The following PAWR variants were observed in gnomAD, a reference collection of about 807,000 sequenced individuals.
The protein encoded by PAWR is pro-apoptotic WT1 regulator.
PAWR carries 23 observed loss-of-function variants against 32.0 expected under a neutral mutation model. The ratio of observed to expected loss-of-function variants is 0.72; its 90% CI spans 0.52 to 1.02. The LOEUF is 1.02. PAWR is among the 50% of genes least tolerant of loss of function. The pLI is 0.00. For synonymous variants in PAWR, 226 were observed against 187.1 expected (o/e 1.21, Z -1.70); for missense variants, 457 against 437.7 (o/e 1.04, Z -0.39).
chr12:79,612,195 T>C (rs1043076805), intron 4 of PAWR, among the ~76,000 whole-genome samples: 2 of 152,140 alleles, frequency 1.3e-5, no homozygotes, highest in Non-Finnish European at 2.9e-5. Context: ...GGTTTCATTA[T>C]ACCTACATCA....
intron 2 of PAWR, among the ~76,000 whole-genome samples, chr12:79,636,922 C>A (rs1454635898): frequency 6.6e-6 from 1 of 151,956 alleles, no homozygotes; most frequent in East Asian, 1.9e-4. Flanking sequence ...CAAATTTTTG[C>A]AAAGTATAAA....
At chr12:79,616,056 CAA>C (rs140963642) in intron 3 of PAWR, among the ~76,000 whole-genome samples, 60 of 72,292 alleles carry the variant, frequency 8.3e-4, no homozygotes, top group Non-Finnish European at 7.4e-4. Flanking sequence ...GACCCTGTCT[CAA>C]AAAAAAAAAA....
intron 6 of PAWR, among the ~76,000 whole-genome samples, chr12:79,593,741 T>C (rs534564513): frequency 5.8e-4 from 84 of 145,518 alleles, no homozygotes; most frequent in African/African-American, 1.9e-3. Flanking sequence ...TTACTCTTGC[T>C]GCCCAGGCTG....
At chr12:79,663,070 C>G (rs1003295655) in intron 2 of PAWR, among the ~76,000 whole-genome samples, 1 of 152,166 alleles carries the variant, frequency 6.6e-6, no homozygotes, top group Non-Finnish European at 1.5e-5. Context: ...TAATTTTACA[C>G]AACAAGTAAC....
chr12:79,690,491 C>A, intron 1 of PAWR, 100 bp from the exon 2 acceptor site: 5 of 630,540 alleles, frequency 7.9e-6, no homozygotes, highest in Non-Finnish European at 1.2e-5. Context: ...TCCTCGAGCG[C>A]GCCCACCAGT....
intron 2 of PAWR, among the ~76,000 whole-genome samples, chr12:79,659,218 C>T (rs141539405): frequency 6.6e-6 from 1 of 151,594 alleles, no homozygotes; most frequent in Non-Finnish European, 1.5e-5. Context: ...CGCTTGATCC[C>T]GGGAGGTGGA....
At chr12:79,641,421 C>T (rs1025200692) in intron 2 of PAWR, among the ~76,000 whole-genome samples, 1 of 152,052 alleles carries the variant, frequency 6.6e-6, no homozygotes, top group Non-Finnish European at 1.5e-5. Context: ...ACATTCTGTC[C>T]GAAGAGCCTA....
chr12:79,675,224 A>C (rs1878104689), intron 2 of PAWR, among the ~76,000 whole-genome samples: 1 of 151,984 alleles, frequency 6.6e-6, no homozygotes, highest in African/African-American at 2.4e-5. Context: ...TAAAAATACA[A>C]AAAATTTTAG....
chr12:79,620,948 G>T, intron 3 of PAWR, 128 bp downstream of exon 3: 1 of 684,350 alleles, frequency 1.5e-6, no homozygotes. Flanking sequence ...ACCCACTTAT[G>T]GTAAGGAAGG....
At position 79,633,126 on chromosome 12, in the gene PAWR, A is replaced by AAAAC. The variant is rs555028026; in HGVS notation, c.517-11923_517-11920dup. ...GGCAAAAGAGAGAGACTCTGTCTCA[A>AAAAC]AAACAAACAAACAAACAAACAAAAA... On this transcript the variant is annotated intron_variant, in intron 2 of 6. Coordinates refer to ENST00000328827, the MANE Select transcript of PAWR (RefSeq NM_002583.4). Among the ~76,000 whole-genome samples the AAAAC allele has an allele frequency of 4.8e-3, 736 of 152,266 alleles. 5 individuals carry two copies. The highest frequency in any genetic ancestry group is 0.016 in the African/African-American group (683 of 41,524).
At chr12:79,675,325 G>C (rs1878110389) in intron 2 of PAWR, among the ~76,000 whole-genome samples, 1 of 152,136 alleles carries the variant, frequency 6.6e-6, no homozygotes, top group Non-Finnish European at 1.5e-5. Flanking sequence ...GTTGCAGTAA[G>C]CTAGGATCAC....
At chr12:79,620,314 T>G (rs560835456) in intron 3 of PAWR, among the ~76,000 whole-genome samples, 2 of 152,288 alleles carry the variant, frequency 1.3e-5, no homozygotes, top group South Asian at 4.1e-4. Context: ...AATTAAGTCC[T>G]AAAGCCATTA....
In PAWR at chr12:79,590,750, CCT is replaced by C. The variant is rs1873530668; in HGVS notation, c.*1855_*1856del. ...TCACAACCAAAAGCAGTTAACTATG[CCT>C]GGCATACCACCCTGTCATGTGGGCA... On this transcript the variant is annotated 3_prime_UTR_variant, in exon 7 of 7. Transcript: ENST00000328827. 6.6e-6 allele frequency: 1 copy of C among 152,144 alleles called. No individual in the cohort carries two copies. Among genetic ancestry groups the C allele is most frequent in the East Asian group, 1.9e-4 (1 of 5,186 alleles). The allele number at this position is 152,144 out of a possible 1,614,324, so 9.4% of individuals were successfully genotyped here. A position where few individuals can be genotyped will look rare whatever the true frequency, so the allele number is the denominator to read the frequency against.
At chr12:79,658,864 T>C (rs1373092251) in intron 2 of PAWR, among the ~76,000 whole-genome samples, 2 of 151,708 alleles carry the variant, frequency 1.3e-5, no homozygotes, top group Non-Finnish European at 1.5e-5. Context: ...TTTCACCACA[T>C]TGGCCAGGCT....
At chr12:79,671,249 C>A (rs940745047) in intron 2 of PAWR, among the ~76,000 whole-genome samples, 1 of 151,588 alleles carries the variant, frequency 6.6e-6, no homozygotes, top group Admixed American at 6.6e-5. Context: ...AAGTACTAGA[C>A]AACATAATTG....
chr12:79,628,265 C>G (rs1413847864), intron 2 of PAWR, among the ~76,000 whole-genome samples: 2 of 152,034 alleles, frequency 1.3e-5, no homozygotes, highest in Non-Finnish European at 1.5e-5. Flanking sequence ...CCAACGAGAA[C>G]AAAGACACAA....
intron 2 of PAWR, among the ~76,000 whole-genome samples, chr12:79,658,397 T>A (rs1016881586): frequency 1.3e-5 from 2 of 152,182 alleles, no homozygotes; most frequent in East Asian, 1.9e-4. Context: ...TACTTGAAAT[T>A]CTTCCAGTTT....
intron 2 of PAWR, among the ~76,000 whole-genome samples, chr12:79,680,020 C>T (rs7306681): frequency 0.14 from 21,989 of 152,142 alleles, 5,272 homozygotes; most frequent in African/African-American, 0.5. Context: ...CAACGTTTTA[C>T]ATATTTTAGA....
intron 6 of PAWR, among the ~76,000 whole-genome samples, chr12:79,593,237 A>G (rs1873621653): frequency 1.3e-5 from 2 of 152,206 alleles, no homozygotes; most frequent in Non-Finnish European, 2.9e-5. Flanking sequence ...GATCTGGAGT[A>G]TCTTGATCTG....
Sources: gnomAD v4.1 joint callset for allele counts (sites outside exome capture counted in the v4.1 genomes callset) on GRCh38, gnomAD v4.1.1 for gene constraint, MANE v1.5 for transcripts, NCBI Gene and HGNC (gene_info 2026-07-23, HGNC 2026-07-21) for gene names.